FRMD3: variants seen among roughly 807,000 people sequenced by gnomAD.
FRMD3 encodes FERM domain containing 3, also known as FERM domain-containing protein 3.
Under a neutral mutation model 70.2 loss-of-function variants are expected in FRMD3, and 33 were observed. That is an observed-to-expected ratio of 0.47 (90% confidence interval 0.36 to 0.63). The LOEUF (loss-of-function observed/expected upper bound fraction) is 0.63, where lower values mean the gene tolerates loss of function less well. Among genes scored for constraint, FRMD3 ranks in the 20% least tolerant of loss-of-function variants. The pLI, the probability that FRMD3 is intolerant of heterozygous loss-of-function variation, is 0.00. For synonymous variants in FRMD3, 279 were observed against 255.9 expected, an observed-to-expected ratio of 1.09 and a Z score of -0.86; for missense variants, 632 against 711.4, an observed-to-expected ratio of 0.89 and a Z score of 1.27.
At chr9:83,302,495 T>C (rs1834965785) in intron 10 of FRMD3, among the ~76,000 whole-genome samples, 1 of 151,866 alleles carries the variant, frequency 6.6e-6, no homozygotes, top group Admixed American at 6.6e-5. Context: ...AGGGGGAGGG[T>C]GTCATAATAT....
chr9:83,431,012 C>T (rs1435465220), intron 1 of FRMD3, among the ~76,000 whole-genome samples: 4 of 152,190 alleles, frequency 2.6e-5, no homozygotes, highest in East Asian at 1.9e-4. Flanking sequence ...ATTGTAATTC[C>T]GTGGTATTAG....
In FRMD3 at chr9:83,247,984, G is replaced by A. The variant is rs761827675; in HGVS notation, c.1728C>T (p.Tyr576=). The change falls in exon 14 of 14, where the codon TAC becomes TAT. Residue 576 remains tyrosine (Y), a synonymous_variant. Transcript: ENST00000304195. ...CAGCCACCCACTCCTTGAGGGGACA[G>A]TAGTATTCATAGTGAAACTGCTCAA... ...PEFEQFHYEY[Y]CPLKEWVAGK... 9.3e-6 allele frequency: 15 copies of A among 1,614,060 alleles called. No individual in the cohort carries two copies. The highest frequency in any genetic ancestry group is 1.3e-5 in the Non-Finnish European group (15 of 1,180,038).
At chr9:83,441,117 T>C (rs758361812) in intron 1 of FRMD3, among the ~76,000 whole-genome samples, 7 of 152,178 alleles carry the variant, frequency 4.6e-5, no homozygotes, top group Non-Finnish European at 1.0e-4. Context: ...CAGACCCTCA[T>C]GGAACATTAC....
At chr9:83,448,100 A>G (rs183326799) in intron 1 of FRMD3, among the ~76,000 whole-genome samples, 19 of 152,222 alleles carry the variant, frequency 1.2e-4, no homozygotes, top group African/African-American at 4.3e-4. Context: ...TGAGTACCTA[A>G]AGTTGGTGCT....
At chr9:83,253,952 C>T (rs1039939093) in intron 13 of FRMD3, among the ~76,000 whole-genome samples, 1 of 152,088 alleles carries the variant, frequency 6.6e-6, no homozygotes, top group South Asian at 2.1e-4. Flanking sequence ...ATGATGAGTT[C>T]ATGTCCTTTG....
chr9:83,477,588 A>G (rs998186463), intron 1 of FRMD3, among the ~76,000 whole-genome samples: 3 of 152,164 alleles, frequency 2.0e-5, no homozygotes, highest in African/African-American at 7.2e-5. Flanking sequence ...CAGCTCCTGC[A>G]ATCACCAAGG....
At chr9:83,533,881 C>T (rs1405230208) in intron 1 of FRMD3, among the ~76,000 whole-genome samples, 3 of 152,110 alleles carry the variant, frequency 2.0e-5, no homozygotes, top group African/African-American at 7.2e-5. Context: ...GCCATGTTTA[C>T]CAGGCTTTGC....
intron 3 of FRMD3, among the ~76,000 whole-genome samples, chr9:83,366,676 G>C (rs993656117): frequency 6.6e-6 from 1 of 152,222 alleles, no homozygotes; most frequent in African/African-American, 2.4e-5. Flanking sequence ...CAAGCAAGTT[G>C]AATTCAGTCA....
At chr9:83,517,755 C>T (rs139813972) in intron 1 of FRMD3, among the ~76,000 whole-genome samples, 28 of 152,192 alleles carry the variant, frequency 1.8e-4, no homozygotes, top group African/African-American at 6.3e-4. Flanking sequence ...ACTGGCAAAC[C>T]GAATCCAGCA....
At chr9:83,359,444 G>A (rs1824511754) in intron 3 of FRMD3, among the ~76,000 whole-genome samples, 2 of 152,118 alleles carry the variant, frequency 1.3e-5, no homozygotes, top group South Asian at 4.1e-4. Flanking sequence ...TTCCTCATCT[G>A]TAAAATGGGA....
chr9:83,332,073 C>T (rs1194368549), intron 6 of FRMD3: 20 of 600,624 alleles, frequency 3.3e-5, no homozygotes, highest in Middle Eastern at 7.7e-4. Context: ...CTGGTGGGCA[C>T]AGAGCAGAGT....
chr9:83,473,890 G>A (rs1828331251), intron 1 of FRMD3, among the ~76,000 whole-genome samples: 1 of 152,186 alleles, frequency 6.6e-6, no homozygotes, highest in South Asian at 2.1e-4. Flanking sequence ...AACTATACCA[G>A]ATAAGACAGT....
chr9:83,441,254 T>G (rs1050136431), intron 1 of FRMD3, among the ~76,000 whole-genome samples: 61 of 152,214 alleles, frequency 4.0e-4, no homozygotes, highest in African/African-American at 1.4e-3. Context: ...TAATGTGAAT[T>G]TTGTTTTTGT....
At chr9:83,450,660 G>C (rs1277565458) in intron 1 of FRMD3, among the ~76,000 whole-genome samples, 1 of 152,156 alleles carries the variant, frequency 6.6e-6, no homozygotes, top group Non-Finnish European at 1.5e-5. Context: ...GAAAGGGAAG[G>C]CTCTGACTCC....
At chr9:83,504,607 C>A (rs111371622) in intron 1 of FRMD3, among the ~76,000 whole-genome samples, 19 of 148,340 alleles carry the variant, frequency 1.3e-4, no homozygotes, top group Admixed American at 1.1e-3. Flanking sequence ...TCCCCCCCCA[C>A]CACTTCTTTC....
At chr9:83,530,486 T>A (rs952092280) in intron 1 of FRMD3, among the ~76,000 whole-genome samples, 11 of 151,932 alleles carry the variant, frequency 7.2e-5, no homozygotes, top group African/African-American at 2.7e-4. Flanking sequence ...GACTGGGAGG[T>A]CTGGAGGGAA....
Position 83,538,128 on chromosome 9 carries a change from G to C in FRMD3, c.104C>G (p.Thr35Ser). 1 of 1,613,704 alleles carries C rather than the reference G, an allele frequency of 6.2e-7. No individual in the cohort carries two copies. The highest frequency in any genetic ancestry group is 8.5e-7 in the Non-Finnish European group (1 of 1,179,814). Reference protein sequence around the residue: ...VKSLSQEMRCTIRLLDDSEIS... With the variant: ...VKSLSQEMRCSIRLLDDSEIS... ...CTCCGAGTCGTCCAGCAGCCGGATG[G>C]TGCATCTCATCTCCTGGCTGAGCGA... Residue 35 changes from threonine to serine, a missense_variant, in exon 1 of 14, where the codon ACC becomes AGC. This residue lies in a region of FRMD3 where 208 missense variants were observed against 247.7 expected (regional missense o/e 0.84). Coordinates refer to ENST00000304195, the MANE Select transcript of FRMD3 (RefSeq NM_174938.6). This position sits in a 1 kb window ranked among gnomAD's most constrained non-coding sequence, Gnocchi z 4.7.
chr9:83,516,242 C>T (rs1303338746), intron 1 of FRMD3, among the ~76,000 whole-genome samples: 1 of 150,352 alleles, frequency 6.7e-6, no homozygotes, highest in Non-Finnish European at 1.5e-5. Context: ...TGCAAAGACA[C>T]ACATAGGCTC....
At chr9:83,497,916 G>A (rs527937265) in intron 1 of FRMD3, among the ~76,000 whole-genome samples, 11 of 152,354 alleles carry the variant, frequency 7.2e-5, no homozygotes, top group Admixed American at 6.5e-4. Context: ...GGGAGGCCAA[G>A]GCTGGTGGAT....
Sources: gnomAD v4.1 joint callset for allele counts (sites outside exome capture counted in the v4.1 genomes callset) on GRCh38, gnomAD v4.1.1 for gene constraint, gnomAD v4.1.1 regional missense constraint, Gnocchi (gnomAD v3.1) non-coding constraint, MANE v1.5 for transcripts, NCBI Gene and HGNC (gene_info 2026-07-23, HGNC 2026-07-21) for gene names.